Variants in BAZ2B observed in about 807,000 individuals in gnomAD.
BAZ2B encodes the protein bromodomain adjacent to zinc finger domain protein 2B.
BAZ2B carries 91 observed loss-of-function variants against 246.0 expected under a neutral mutation model. The observed-to-expected ratio is 0.37, with a 90% CI of 0.31 to 0.44. The LOEUF is 0.44. Among genes scored for constraint, BAZ2B ranks in the 20% least tolerant of loss-of-function variants. The pLI, the probability that BAZ2B is intolerant of heterozygous loss-of-function variation, is 1.00. For missense variants in BAZ2B, 2,332 were observed against 2,533.7 expected, an observed-to-expected ratio of 0.92 and a Z score of 1.71; for synonymous variants, 855 against 860.0, an observed-to-expected ratio of 0.99 and a Z score of 0.10.
At chr2:159,693,007 C>A in the BAZ2B span, among the ~76,000 whole-genome samples, 1 of 152,164 alleles carries the variant, frequency 6.6e-6, no homozygotes, top group Non-Finnish European at 1.5e-5. Flanking sequence ...TAGGGTCTCA[C>A]TGGTCTTGAA....
At chr2:159,409,878 C>A (rs974637658) in intron 14 of BAZ2B, among the ~76,000 whole-genome samples, 1 of 152,048 alleles carries the variant, frequency 6.6e-6, no homozygotes, top group African/African-American at 2.4e-5. Flanking sequence ...AAAATGCAAT[C>A]CAATGTATTA....
At chr2:159,467,073 G>C (rs1340225066) in intron 3 of BAZ2B, among the ~76,000 whole-genome samples, 1 of 152,128 alleles carries the variant, frequency 6.6e-6, no homozygotes, top group Non-Finnish European at 1.5e-5. Context: ...TCCAGACAGA[G>C]GGACAGCGTA....
At chr2:159,624,122 C>A in the BAZ2B span, among the ~76,000 whole-genome samples, 1 of 152,204 alleles carries the variant, frequency 6.6e-6, no homozygotes. Context: ...AGCAAGGCCT[C>A]TGTGGCCAGA....
At chr2:159,563,892 A>AT (rs2090113503) in intron 1 of BAZ2B, among the ~76,000 whole-genome samples, 1 of 152,218 alleles carries the variant, frequency 6.6e-6, no homozygotes, top group Non-Finnish European at 1.5e-5. Flanking sequence ...ACATTCTCTG[A>AT]TTCACTCATT....
chr2:159,416,628 T>G (rs1193034272), intron 13 of BAZ2B, among the ~76,000 whole-genome samples: 1 of 152,208 alleles, frequency 6.6e-6, no homozygotes, highest in East Asian at 1.9e-4. Flanking sequence ...TCTTATCCAA[T>G]TTTTACATAG....
chr2:159,644,194 T>C, the BAZ2B span, among the ~76,000 whole-genome samples: 1 of 152,230 alleles, frequency 6.6e-6, no homozygotes, highest in East Asian at 1.9e-4. Context: ...TATGAACTTG[T>C]GAAACCAGAC....
At chr2:159,609,620 G>A (rs1450853709) in intron 1 of BAZ2B, among the ~76,000 whole-genome samples, 3 of 152,084 alleles carry the variant, frequency 2.0e-5, no homozygotes, top group Non-Finnish European at 4.4e-5. Flanking sequence ...GGTTTGTTTG[G>A]TTGATTCTGG....
At chr2:159,462,833 A>G (rs2076579762) in intron 3 of BAZ2B, 1 of 1,568,716 alleles carries the variant, frequency 6.4e-7, no homozygotes, top group African/African-American at 1.4e-5. Flanking sequence ...CATAAACAGT[A>G]CAGAAGCCGT....
At chr2:159,455,952 T>C (rs570181247) in intron 3 of BAZ2B, among the ~76,000 whole-genome samples, 1 of 152,118 alleles carries the variant, frequency 6.6e-6, no homozygotes, top group South Asian at 2.1e-4. Context: ...ATAAACATAC[T>C]ATGATCAGTT....
At chr2:159,619,902 C>A (rs1399079081), upstream of BAZ2B, among the ~76,000 whole-genome samples, 3 of 151,998 alleles carry the variant, frequency 2.0e-5, no homozygotes, top group African/African-American at 7.2e-5. Context: ...CGTCTTCTAC[C>A]CAAGATCATC....
At chr2:159,614,981 G>A (rs1370837516) in intron 1 of BAZ2B, among the ~76,000 whole-genome samples, 1 of 152,072 alleles carries the variant, frequency 6.6e-6, no homozygotes, top group Non-Finnish European at 1.5e-5. Context: ...AGAGACTTGG[G>A]AATAAAATTG....
At chr2:159,543,885 A>G (rs1194466691) in intron 2 of BAZ2B, among the ~76,000 whole-genome samples, 3 of 152,202 alleles carry the variant, frequency 2.0e-5, no homozygotes, top group Non-Finnish European at 4.4e-5. Flanking sequence ...TCTTTGTCTT[A>G]TATTTTTAAA....
the BAZ2B span, among the ~76,000 whole-genome samples, chr2:159,683,217 T>C: frequency 3.3e-5 from 5 of 152,078 alleles, no homozygotes; most frequent in Non-Finnish European, 5.9e-5. Flanking sequence ...AAAAGTCAGG[T>C]TTATTATAGT....
the BAZ2B span, chr2:159,695,566 G>A: frequency 3.3e-5 from 5 of 152,084 alleles, no homozygotes; most frequent in Non-Finnish European, 7.4e-5. Context: ...TGCATGGTGT[G>A]AGGTAGGGGT....
At position 159,605,927 on chromosome 2, in the gene BAZ2B, A is replaced by G. The variant is rs181331159; in HGVS notation, c.-46+10315T>C. ...AGGCTTCCTGCAGCGGGAAGGGCAAAGAGAGCTTTTATCTAACTGTCTAAA... is the reference window on the plus strand; with the variant it reads ...AGGCTTCCTGCAGCGGGAAGGGCAAGGAGAGCTTTTATCTAACTGTCTAAA... On this transcript the variant is annotated intron_variant, in intron 1 of 36. Coordinates refer to ENST00000392783, the MANE Select transcript of BAZ2B (RefSeq NM_013450.4). Among the ~76,000 whole-genome samples the G allele has an allele frequency of 7.0e-3, 1,063 of 152,264 alleles. 5 individuals carry two copies. The highest frequency in any genetic ancestry group is 0.013 in the Non-Finnish European group (863 of 68,018).
At chr2:159,331,498 G>A (rs963177105) in intron 34 of BAZ2B, among the ~76,000 whole-genome samples, 1 of 152,190 alleles carries the variant, frequency 6.6e-6, no homozygotes, top group Non-Finnish European at 1.5e-5. Flanking sequence ...CCCCCAAATA[G>A]TTGGGACTAC....
chr2:159,691,222 A>G, the BAZ2B span, among the ~76,000 whole-genome samples: 2 of 152,186 alleles, frequency 1.3e-5, no homozygotes, highest in Non-Finnish European at 2.9e-5. Flanking sequence ...ATTGCCTAAT[A>G]TTGAAACAAT....
At chr2:159,370,998 C>T (rs1019362625) in intron 27 of BAZ2B, among the ~76,000 whole-genome samples, 9 of 151,736 alleles carry the variant, frequency 5.9e-5, no homozygotes, top group Admixed American at 3.9e-4. Context: ...AGTAGAGATG[C>T]GGTTTCTCCA....
chr2:159,469,624 A>G (rs185997981), intron 3 of BAZ2B, among the ~76,000 whole-genome samples: 79 of 152,108 alleles, frequency 5.2e-4, no homozygotes, highest in African/African-American at 1.7e-3. Flanking sequence ...TATTTTTAGT[A>G]GAGACGCGGT....
Sources: allele counts gnomAD v4.1 joint callset (sites outside exome capture counted in the v4.1 genomes callset), GRCh38; gene constraint gnomAD v4.1.1; transcripts MANE v1.5; gene names NCBI Gene and HGNC (gene_info 2026-07-23, HGNC 2026-07-21).